The following CTNNA3 variants were observed in gnomAD, a reference collection of about 807,000 sequenced individuals.
CTNNA3 encodes catenin alpha 3.
Under a neutral mutation model 95.7 loss-of-function variants are expected in CTNNA3, and 76 were observed. The observed-to-expected ratio is 0.79, with a 90% CI of 0.66 to 0.96. CTNNA3 has a LOEUF of 0.96. Ranked by LOEUF, CTNNA3 falls within the 40% of genes least tolerant of loss-of-function variation. CTNNA3 has a pLI of 0.00. For synonymous variants in CTNNA3, 431 were observed against 374.4 expected (o/e 1.15, Z -1.74); for missense variants, 1,191 against 1,089.8 (o/e 1.09, Z -1.31).
chr10:66,526,146 C>G (rs1841250373), intron 10 of CTNNA3, among the ~76,000 whole-genome samples: 1 of 152,016 alleles, frequency 6.6e-6, no homozygotes. Flanking sequence ...TCTTGGCTTG[C>G]AATTATTTGG....
intron 11 of CTNNA3, among the ~76,000 whole-genome samples, chr10:66,412,390 C>A (rs1389141460): frequency 6.7e-6 from 1 of 148,882 alleles, no homozygotes; most frequent in Non-Finnish European, 1.5e-5. Flanking sequence ...GTTGGTGGAA[C>A]AAATGTGAGC....
At chr10:67,410,274 G>C (rs1159936252) in intron 5 of CTNNA3, among the ~76,000 whole-genome samples, 2 of 151,952 alleles carry the variant, frequency 1.3e-5, no homozygotes, top group Non-Finnish European at 2.9e-5. Context: ...CAAACACCAA[G>C]TTTTCACTTA....
intron 12 of CTNNA3, among the ~76,000 whole-genome samples, chr10:66,348,888 GA>G (rs928573004): frequency 5.9e-5 from 9 of 152,188 alleles, no homozygotes; most frequent in Admixed American, 3.9e-4. Context: ...GGTACCAGGG[GA>G]TTTATGGTTT....
intron 7 of CTNNA3, among the ~76,000 whole-genome samples, chr10:66,802,510 G>C (rs1262403184): frequency 6.6e-6 from 1 of 151,906 alleles, no homozygotes; most frequent in East Asian, 1.9e-4. Context: ...CAAGGATGTG[G>C]AACAATTTGG....
chr10:66,180,094 T>C (rs545025194), intron 13 of CTNNA3, among the ~76,000 whole-genome samples: 1 of 152,236 alleles, frequency 6.6e-6, no homozygotes, highest in Admixed American at 6.5e-5. Context: ...TGCTGCCAAT[T>C]AGATAAAAGC....
At chr10:66,480,418 T>G (rs915164456) in intron 11 of CTNNA3, among the ~76,000 whole-genome samples, 1 of 152,160 alleles carries the variant, frequency 6.6e-6, no homozygotes, top group African/African-American at 2.4e-5. Flanking sequence ...GTCAGTGTAT[T>G]TCTTTCAGTA....
At chr10:66,208,836 A>G (rs372347784) in intron 13 of CTNNA3, among the ~76,000 whole-genome samples, 144 of 152,206 alleles carry the variant, frequency 9.5e-4, no homozygotes, top group African/African-American at 3.3e-3. Flanking sequence ...TTTTAATAAC[A>G]TGAGGATTTC....
At chr10:67,038,250 A>T (rs1451376039) in intron 7 of CTNNA3, among the ~76,000 whole-genome samples, 3 of 152,118 alleles carry the variant, frequency 2.0e-5, no homozygotes, top group African/African-American at 7.2e-5. Context: ...ATTCTAAAAA[A>T]ATCTATCCTC....
intron 11 of CTNNA3, among the ~76,000 whole-genome samples, chr10:66,429,401 T>G (rs1167274725): frequency 6.6e-6 from 1 of 150,738 alleles, no homozygotes; most frequent in Admixed American, 6.6e-5. Flanking sequence ...TAACTCATTT[T>G]ATGAGGCCAG....
chr10:67,486,098 T>A (rs1848438688), intron 5 of CTNNA3, among the ~76,000 whole-genome samples: 1 of 152,172 alleles, frequency 6.6e-6, no homozygotes, highest in Non-Finnish European at 1.5e-5. Flanking sequence ...AGCTATGAAG[T>A]CAAAAGTGTT....
intron 5 of CTNNA3, among the ~76,000 whole-genome samples, chr10:67,446,294 C>G (rs1434485270): frequency 6.6e-6 from 1 of 152,152 alleles, no homozygotes; most frequent in African/African-American, 2.4e-5. Context: ...TAGTCCACCC[C>G]TGACAGAACT....
At chr10:67,219,928 A>T in intron 5 of CTNNA3, 58 bp from the exon 6 acceptor site, 8 of 1,353,318 alleles carry the variant, frequency 5.9e-6, no homozygotes, top group Non-Finnish European at 7.0e-6. Flanking sequence ...GAAAGACTTA[A>T]ATTAAAAAGC....
chr10:66,378,854 G>T (rs1293301759), intron 12 of CTNNA3, among the ~76,000 whole-genome samples: 2 of 152,274 alleles, frequency 1.3e-5, no homozygotes, highest in East Asian at 1.9e-4. Context: ...TACCATATCA[G>T]CCTAATTATA....
At chr10:66,126,557 AG>A (rs2082837615) in intron 13 of CTNNA3, among the ~76,000 whole-genome samples, 1 of 152,192 alleles carries the variant, frequency 6.6e-6, no homozygotes, top group Non-Finnish European at 1.5e-5. Flanking sequence ...TAAAGGGGCC[AG>A]GGCTCCTTAG....
chr10:66,460,658 C>T (rs1412937913), intron 11 of CTNNA3, among the ~76,000 whole-genome samples: 1 of 152,108 alleles, frequency 6.6e-6, no homozygotes, highest in East Asian at 1.9e-4. Flanking sequence ...AGCGACTGAG[C>T]ATTAGGACTT....
At chr10:67,721,345 T>C (rs942076418) in intron 1 of CTNNA3, among the ~76,000 whole-genome samples, 2 of 152,160 alleles carry the variant, frequency 1.3e-5, no homozygotes, top group Non-Finnish European at 2.9e-5. Context: ...TCTGGAGGCT[T>C]TGTTCATTCC....
intron 13 of CTNNA3, among the ~76,000 whole-genome samples, chr10:66,135,217 A>C (rs2083291302): frequency 1.3e-5 from 2 of 152,206 alleles, no homozygotes; most frequent in Admixed American, 1.3e-4. Context: ...TGATGACTAA[A>C]TATAATTCTT....
chr10:66,187,289 G>C (rs1589673446), intron 13 of CTNNA3, among the ~76,000 whole-genome samples: 4 of 151,870 alleles, frequency 2.6e-5, no homozygotes, highest in Admixed American at 2.6e-4. Flanking sequence ...AAATATTGTG[G>C]TTAGCTGAAC....
chr10:67,220,741 C>A (rs1020358510), intron 5 of CTNNA3, among the ~76,000 whole-genome samples: 1 of 151,988 alleles, frequency 6.6e-6, no homozygotes, highest in Non-Finnish European at 1.5e-5. Flanking sequence ...AAGTGATAGG[C>A]GATCAGAACT....
Sources: gnomAD v4.1 joint callset for allele counts (sites outside exome capture counted in the v4.1 genomes callset) on GRCh38, gnomAD v4.1.1 for gene constraint, MANE v1.5 for transcripts, NCBI Gene and HGNC (gene_info 2026-07-23, HGNC 2026-07-21) for gene names.